LRCH3: variants seen among roughly 807,000 people sequenced by gnomAD.
LRCH3 encodes DISP complex protein LRCH3.
Under a neutral mutation model 104.5 loss-of-function variants are expected in LRCH3, and 68 were observed. The ratio of observed to expected loss-of-function variants is 0.65; its 90% CI spans 0.54 to 0.80. The LOEUF is 0.80. Ranked by LOEUF, LRCH3 falls within the 30% of genes least tolerant of loss-of-function variation. The probability of loss-of-function intolerance (pLI) is 0.00; values close to 1 mark genes in which losing one functional copy is unlikely to be tolerated. For synonymous variants in LRCH3, 344 were observed against 361.3 expected (o/e 0.95, Z 0.54); for missense variants, 951 against 953.9 (o/e 1.00, Z 0.04).
intron 8 of LRCH3, among the ~76,000 whole-genome samples, chr3:197,834,863 G>A (rs1032121621): frequency 3.3e-5 from 5 of 152,218 alleles, no homozygotes; most frequent in East Asian, 1.9e-4. Context: ...ACACTTGTGT[G>A]CCAGGCACGT....
At chr3:197,812,925 C>T (rs79694079) in intron 1 of LRCH3, among the ~76,000 whole-genome samples, 5,699 of 152,186 alleles carry the variant, frequency 0.037, 382 homozygotes, top group African/African-American at 0.13. Flanking sequence ...AATATACTTC[C>T]GTGTTTGATT....
intron 8 of LRCH3, among the ~76,000 whole-genome samples, chr3:197,833,498 A>T (rs1273654093): frequency 6.6e-6 from 1 of 151,344 alleles, no homozygotes; most frequent in Non-Finnish European, 1.5e-5. Flanking sequence ...AGATCACGCC[A>T]CTGCACTCCA....
chr3:197,805,965 T>G (rs1273774222), intron 1 of LRCH3, among the ~76,000 whole-genome samples: 1 of 152,100 alleles, frequency 6.6e-6, no homozygotes, highest in Non-Finnish European at 1.5e-5. Context: ...TCACTCTTGT[T>G]GCCCAGGCTG....
At chr3:197,861,672 G>T (rs1391565445) in intron 15 of LRCH3, among the ~76,000 whole-genome samples, 1 of 151,674 alleles carries the variant, frequency 6.6e-6, no homozygotes, top group Non-Finnish European at 1.5e-5. Context: ...TTATACTTAT[G>T]AATTTATTTC....
chr3:197,866,919 C>G (rs1212692446), intron 17 of LRCH3, among the ~76,000 whole-genome samples: 3 of 151,826 alleles, frequency 2.0e-5, no homozygotes, highest in Non-Finnish European at 4.4e-5. Flanking sequence ...GCAGGCAGAT[C>G]ACTTGAGGTC....
chr3:197,795,689 T>G (rs1311987295), intron 1 of LRCH3, among the ~76,000 whole-genome samples: 30 of 131,086 alleles, frequency 2.3e-4, no homozygotes, highest in South Asian at 5.3e-4. Flanking sequence ...AGTTGTTGTT[T>G]TTTTTTTTTT....
At chr3:197,852,868 G>A (rs1484900204) in intron 13 of LRCH3, among the ~76,000 whole-genome samples, 1 of 152,048 alleles carries the variant, frequency 6.6e-6, no homozygotes, top group Non-Finnish European at 1.5e-5. Context: ...CCCACCAGAG[G>A]CACCGTCCCC....
Position 197,829,442 on chromosome 3 carries a change from T to C in LRCH3, c.778-122T>C. The C allele has an allele frequency of 9.4e-6, 5 of 532,852 alleles. No individual in the cohort carries two copies. In the Admixed American group the frequency reaches 1.1e-4, roughly 11 times the overall value. The allele number at this position is 532,852 out of a possible 1,614,324, so 33.0% of individuals were successfully genotyped here. On this transcript the variant is annotated intron_variant, in intron 5 of 20. Coordinates refer to ENST00000425562, the MANE Select transcript of LRCH3 (RefSeq NM_001365715.1). ...TAATTTATTAGTTTTTAAATATTAC[T>C]GTATGTACTTGATAGAAATGCCTCC...
chr3:197,813,187 A>T (rs967468508), intron 1 of LRCH3, among the ~76,000 whole-genome samples: 7 of 152,190 alleles, frequency 4.6e-5, no homozygotes, highest in African/African-American at 1.7e-4. Context: ...CATCAGGGTA[A>T]ATGAAGTATC....
chr3:197,834,954 G>C (rs549214849), intron 8 of LRCH3, among the ~76,000 whole-genome samples: 3 of 152,092 alleles, frequency 2.0e-5, no homozygotes, highest in Admixed American at 6.6e-5. Context: ...GACCAGCCTG[G>C]CCAACATGGT....
intron 19 of LRCH3, among the ~76,000 whole-genome samples, chr3:197,872,424 A>G (rs1158962616): frequency 1.3e-5 from 2 of 151,316 alleles, no homozygotes; most frequent in Non-Finnish European, 2.9e-5. Flanking sequence ...GAAAAATTAA[A>G]GGTGGTACAC....
Position 197,795,679 on chromosome 3 carries a change from AGTT to A in LRCH3, c.262+4146_262+4148del, listed in dbSNP as rs1553912635. Among the ~76,000 whole-genome samples, 578 of 132,142 alleles carry A rather than the reference AGTT, an allele frequency of 4.4e-3. 6 individuals are homozygous for A. Among genetic ancestry groups the A allele is most frequent in the African/African-American group, 0.012 (420 of 34,978 alleles). The allele number at this position is 132,142 out of a possible 152,430, so 86.7% of individuals were successfully genotyped here. A position where few individuals can be genotyped will look rare whatever the true frequency, so the allele number is the denominator to read the frequency against. On this transcript the variant is annotated intron_variant, in intron 1 of 20. Transcript: ENST00000425562. ...TCTTTCTGCTTAAGGTGAGTAAAAA[AGTT>A]GTTGTTTTTTTTTTTTTTTTTTTTT...
intron 15 of LRCH3, among the ~76,000 whole-genome samples, chr3:197,861,154 TAAC>T (rs1740836824): frequency 6.6e-6 from 1 of 152,080 alleles, no homozygotes; most frequent in South Asian, 2.1e-4. Context: ...CTCAACTTTA[TAAC>T]AACTGTAAAT....
At chr3:197,800,941 A>C (rs542227663) in intron 1 of LRCH3, among the ~76,000 whole-genome samples, 179 of 152,094 alleles carry the variant, frequency 1.2e-3, no homozygotes, top group African/African-American at 4.1e-3. Context: ...TAAAAATACA[A>C]AAAATTAGCC....
chr3:197,873,515 G>A (rs1712484648), intron 19 of LRCH3, among the ~76,000 whole-genome samples: 1 of 152,130 alleles, frequency 6.6e-6, no homozygotes, highest in African/African-American at 2.4e-5. Context: ...GAGACAAGCA[G>A]GAGGATCACC....
rs549549290 is a variant in LRCH3, at chr3:197,856,626, A to G, written c.1644+2181A>G. 3.0e-3 allele frequency among the ~76,000 whole-genome samples: 460 copies of G among 152,154 alleles called. 5 individuals carry two copies. The highest frequency in any genetic ancestry group is 5.1e-3 in the Non-Finnish European group (348 of 67,992). ...GGTCTCTAACTCCAGGGCTCAAGCA[A>G]TCCTCCTGCCCCAGCCTCCCAAAGT... On this transcript the variant is annotated intron_variant, in intron 14 of 20. Transcript: ENST00000425562. This position sits in a 1 kb window ranked among gnomAD's most constrained non-coding sequence, Gnocchi z 4.2.
In LRCH3 at chr3:197,828,640, C is replaced by T. The variant is rs141270959; in HGVS notation, c.778-924C>T. On this transcript the variant is annotated intron_variant, in intron 5 of 20. Transcript: ENST00000425562. The stretch of plus-strand genomic sequence containing the variant: ...GATTACAGGTGTGAGCCACCGCGCC[C>T]GGCCCCCTTAGCTCTTTTTAACTCT... Among the ~76,000 whole-genome samples the T allele has an allele frequency of 8.1e-3, 1,232 of 151,652 alleles. 13 individuals carry two copies. Among genetic ancestry groups the T allele is most frequent in the African/African-American group, 0.028 (1,153 of 41,356 alleles).
rs1712178692 is a variant in LRCH3 at position 197,871,414 on chromosome 3, T to C, written c.2082T>C (p.His694=). Residue 694 remains histidine, a synonymous_variant, in exon 19 of 21, where the codon CAT becomes CAC. Coordinates refer to ENST00000425562, the MANE Select transcript of LRCH3 (RefSeq NM_001365715.1). ...TTGTTCTTTGCCATTTGGCCAATCATGTGCGACCTCGATCTGTCCCAAGCA... is the reference window on the plus strand; with the variant it reads ...TTGTTCTTTGCCATTTGGCCAATCACGTGCGACCTCGATCTGTCCCAAGCA... ...DGVVLCHLAN[H]VRPRSVPSIH... 2 of 1,614,086 alleles carry C rather than the reference T, an allele frequency of 1.2e-6. No homozygotes were observed. The highest frequency in any genetic ancestry group is 1.3e-5 in the African/African-American group (1 of 74,934).
At chr3:197,825,628 C>T (rs1034184388) in intron 4 of LRCH3, among the ~76,000 whole-genome samples, 8 of 150,718 alleles carry the variant, frequency 5.3e-5, no homozygotes, top group South Asian at 2.1e-4. Flanking sequence ...TACAGGCGCC[C>T]GCCACCACGC....
Sources: allele counts gnomAD v4.1 joint callset (sites outside exome capture counted in the v4.1 genomes callset), GRCh38; gene constraint gnomAD v4.1.1; non-coding constraint Gnocchi (gnomAD v3.1); transcripts MANE v1.5; gene names NCBI Gene and HGNC (gene_info 2026-07-23, HGNC 2026-07-21).